The following AKTIP variants were observed in gnomAD, a reference collection of about 807,000 sequenced individuals.
The protein encoded by AKTIP is AKT interacting protein, also known as AKT-interacting protein.
Under a neutral mutation model 39.1 loss-of-function variants are expected in AKTIP, and 16 were observed. The observed-to-expected ratio is 0.41, with a 90% CI of 0.28 to 0.62. The LOEUF (loss-of-function observed/expected upper bound fraction) is 0.62, where lower values mean the gene tolerates loss of function less well. Among genes scored for constraint, AKTIP ranks in the 20% least tolerant of loss-of-function variants. The pLI is 0.32. For synonymous variants in AKTIP, 93 were observed against 124.3 expected, an observed-to-expected ratio of 0.75 and a Z score of 1.67; for missense variants, 262 against 356.6, an observed-to-expected ratio of 0.73 and a Z score of 2.14.
chr16:53,499,163 C>CA (rs1336052870), intron 2 of AKTIP, among the ~76,000 whole-genome samples: 6 of 152,242 alleles, frequency 3.9e-5, no homozygotes, highest in African/African-American at 1.4e-4. Context: ...CATCCTTCGT[C>CA]AAAGACAAAG....
Position 53,491,919 on chromosome 16 carries a change from A to AAATC in AKTIP, c.*489_*492dup, listed in dbSNP as rs1252155898. 3 of 152,742 alleles carry AAATC rather than the reference A, an allele frequency of 2.0e-5. No homozygotes were observed. The highest frequency in any genetic ancestry group is 1.9e-4 in the East Asian group (1 of 5,200). 9.5% of individuals were successfully genotyped at this position (152,742 alleles called of 1,614,324 possible). ...ACATTTCTCAGTGATTTCAGTTTGTAAATCAGTAAGACAGTGCAGGCTACA... is the reference window on the plus strand; with the variant it reads ...ACATTTCTCAGTGATTTCAGTTTGTAAATCAATCAGTAAGACAGTGCAGGCTACA... On this transcript the variant is annotated 3_prime_UTR_variant, in exon 10 of 10. Transcript: ENST00000394657.
upstream of AKTIP, among the ~76,000 whole-genome samples, chr16:53,503,609 T>C (rs565511914): frequency 6.6e-6 from 1 of 152,214 alleles, no homozygotes; most frequent in Non-Finnish European, 1.5e-5. Context: ...CGGAGGTTTA[T>C]TCGCACAGCC....
chr16:53,492,667 C>T (rs1412363910), intron 9 of AKTIP, 26 bp downstream of exon 9: 5 of 1,612,320 alleles, frequency 3.1e-6, no homozygotes, highest in Non-Finnish European at 3.4e-6. Context: ...ATGAGTTAGC[C>T]ATTTCATAAG....
chr16:53,501,281 T>C (rs1020264326), intron 1 of AKTIP: 10 of 152,198 alleles, frequency 6.6e-5, no homozygotes, highest in South Asian at 2.1e-4. Flanking sequence ...TGCAGGATCA[T>C]GTACTTAAGG....
chr16:53,501,992 T>A (rs1217403023), intron 1 of AKTIP, among the ~76,000 whole-genome samples: 1 of 152,188 alleles, frequency 6.6e-6, no homozygotes, highest in East Asian at 1.9e-4. Context: ...CACCCCAGTG[T>A]CCTCTAGGAC....
chr16:53,498,313 G>A lies in AKTIP; in HGVS notation c.248+78C>T, dbSNP rs937926476. The stretch of plus-strand genomic sequence containing the variant: ...TGAGATTAAATGTCTGCCCTTTACT[G>A]CATCCATCAGAATAAATTTCATTCT... On this transcript the variant is annotated intron_variant, in intron 3 of 9. Coordinates refer to ENST00000394657, the MANE Select transcript of AKTIP (RefSeq NM_022476.4). The A allele has an allele frequency of 1.5e-5, 22 of 1,431,642 alleles. No individual in the cohort carries two copies. The Admixed American group carries it at 2.0e-4, about 13-fold the overall frequency. The allele number at this position is 1,431,642 out of a possible 1,614,324, so 88.7% of individuals were successfully genotyped here.
chr16:53,496,848 AG>A (rs1231093658), intron 3 of AKTIP, among the ~76,000 whole-genome samples: 1 of 152,182 alleles, frequency 6.6e-6, no homozygotes, highest in Non-Finnish European at 1.5e-5. Flanking sequence ...CTCAAAAAAA[AG>A]AAAAAAAGAT....
intron 1 of AKTIP, chr16:53,501,181 T>C (rs952897105): frequency 3.3e-5 from 5 of 152,222 alleles, no homozygotes; most frequent in African/African-American, 1.2e-4. Context: ...AGCACAAGTA[T>C]GTCACTAAGA....
At chr16:53,492,619 G>A (rs1432847745) in intron 9 of AKTIP, 74 bp downstream of exon 9, 140 of 1,596,720 alleles carry the variant, frequency 8.8e-5, no homozygotes, top group Non-Finnish European at 1.1e-4. Context: ...TGTATGTAAT[G>A]AGCAGTCTCC....
Position 53,496,499 on chromosome 16 carries a change from C to CTT in AKTIP, c.249-1175_249-1174dup, listed in dbSNP as rs576422100. ...TACATCCAGGGAGGGGTCAAGGATG[C>CTT]TTTTTTTTTTTTTTTTTTTGGTTTA... is the stretch of plus-strand genomic sequence containing the variant. On this transcript the variant is annotated intron_variant, in intron 3 of 9. Coordinates refer to ENST00000394657, the MANE Select transcript of AKTIP (RefSeq NM_022476.4). 8.7e-3 allele frequency among the ~76,000 whole-genome samples: 687 copies of CTT among 78,956 alleles called. 9 individuals are homozygous for CTT. The highest frequency in any genetic ancestry group is 0.03 in the African/African-American group (610 of 20,670). The allele number at this position is 78,956 out of a possible 152,430, so 51.8% of individuals were successfully genotyped here.
intron 3 of AKTIP, 139 bp from the exon 4 acceptor site, chr16:53,495,465 A>C: frequency 2.7e-6 from 2 of 742,714 alleles, no homozygotes; most frequent in Non-Finnish European, 4.5e-6. Flanking sequence ...AAGTTCTCAC[A>C]ATCTCTCACC....
rs1961713493 is a variant in AKTIP at position 53,494,620 on chromosome 16, A to G, written c.415-15T>C. The G allele has an allele frequency of 6.2e-7, 1 of 1,611,806 alleles. No homozygotes were observed. On this transcript the variant is annotated splice_polypyrimidine_tract_variant and intron_variant, in intron 5 of 9. Transcript: ENST00000394657. Reference sequence around the variant, plus strand: ...AACACCAAGCGCTGTATTTAAATAAAGAGAGACATGTCCTTTAATGGAAGC... The same window carrying G: ...AACACCAAGCGCTGTATTTAAATAAGGAGAGACATGTCCTTTAATGGAAGC...
chr16:53,502,538 A>G (rs1217541738), intron 1 of AKTIP, among the ~76,000 whole-genome samples: 2 of 152,164 alleles, frequency 1.3e-5, no homozygotes, highest in Non-Finnish European at 2.9e-5. Flanking sequence ...GGACTTAAGA[A>G]ATTACACGTT....
At chr16:53,501,948 G>C (rs1204946851) in intron 1 of AKTIP, among the ~76,000 whole-genome samples, 1 of 152,196 alleles carries the variant, frequency 6.6e-6, no homozygotes, top group African/African-American at 2.4e-5. Flanking sequence ...CTCAAATGAA[G>C]ACACTGATTT....
chr16:53,502,308 G>A (rs1403128681), intron 1 of AKTIP, among the ~76,000 whole-genome samples: 2 of 152,220 alleles, frequency 1.3e-5, no homozygotes, highest in Admixed American at 6.5e-5. Flanking sequence ...TGAGAGGAAT[G>A]ACATAGATGG....
At chr16:53,499,266 T>C (rs16952282) in intron 2 of AKTIP, among the ~76,000 whole-genome samples, 2,457 of 152,264 alleles carry the variant, frequency 0.016, 73 homozygotes, top group African/African-American at 0.056. Flanking sequence ...TATAAAAACA[T>C]GTATATCATA....
At chr16:53,500,738 A>G (rs1962119109) in intron 1 of AKTIP, among the ~76,000 whole-genome samples, 2 of 152,200 alleles carry the variant, frequency 1.3e-5, no homozygotes, top group African/African-American at 4.8e-5. Flanking sequence ...ATACAATATA[A>G]TGTTATATAA....
chr16:53,494,500 A>G lies in AKTIP; in HGVS notation c.503+17T>C. ...TTGCTGTATTATGTCACTAAAAGAAACACTTTATTTACTTACCTCCATTTT... is the reference window on the plus strand; with the variant it reads ...TTGCTGTATTATGTCACTAAAAGAAGCACTTTATTTACTTACCTCCATTTT... On this transcript the variant is annotated intron_variant, in intron 6 of 9. Coordinates refer to ENST00000394657, the MANE Select transcript of AKTIP (RefSeq NM_022476.4). 1 of 1,614,050 alleles carries G rather than the reference A, an allele frequency of 6.2e-7. No individual in the cohort carries two copies. The highest frequency in any genetic ancestry group is 8.5e-7 in the Non-Finnish European group (1 of 1,179,902).
At chr16:53,492,845 T>C in intron 8 of AKTIP, 92 bp from the exon 9 acceptor site, 1 of 1,032,380 alleles carries the variant, frequency 9.7e-7, no homozygotes, top group Non-Finnish European at 1.5e-6. Flanking sequence ...TTCCCCTAAC[T>C]TAATAAAGCA....
Sources: gnomAD v4.1 joint callset for allele counts (sites outside exome capture counted in the v4.1 genomes callset) on GRCh38, gnomAD v4.1.1 for gene constraint, MANE v1.5 for transcripts, NCBI Gene and HGNC (gene_info 2026-07-23, HGNC 2026-07-21) for gene names.